LTBP2: variants seen among roughly 807,000 people sequenced by gnomAD.
LTBP2 encodes latent transforming growth factor beta binding protein 2, also known as latent-transforming growth factor beta-binding protein 2.
Under a neutral mutation model 210.6 loss-of-function variants are expected in LTBP2, and 103 were observed. The ratio of observed to expected loss-of-function variants is 0.49; its 90% CI spans 0.42 to 0.58. The LOEUF (loss-of-function observed/expected upper bound fraction) is 0.58. Ranked by LOEUF, LTBP2 falls within the 20% of genes least tolerant of loss-of-function variation. The pLI, the probability that LTBP2 is intolerant of heterozygous loss-of-function variation, is 0.00. For synonymous variants in LTBP2, 1,007 were observed against 1,015.0 expected, an observed-to-expected ratio of 0.99 and a Z score of 0.15; for missense variants, 2,313 against 2,494.5, an observed-to-expected ratio of 0.93 and a Z score of 1.55.
chr14:74,510,531 A>T (rs2087057172), intron 19 of LTBP2, among the ~76,000 whole-genome samples: 1 of 152,184 alleles, frequency 6.6e-6, no homozygotes, highest in Admixed American at 6.5e-5. Flanking sequence ...AAGACCCTTG[A>T]CTTCCCTCAT....
At position 74,589,727 on chromosome 14, in the gene LTBP2, C is replaced by T. The variant is rs576348010; in HGVS notation, c.566-3609G>A. 9.2e-5 allele frequency among the ~76,000 whole-genome samples: 14 copies of T among 152,350 alleles called. No individual in the cohort carries two copies. In the South Asian group the frequency reaches 1.4e-3, roughly 16 times the overall value. On this transcript the variant is annotated intron_variant, in intron 2 of 35. Transcript: ENST00000261978. The stretch of plus-strand genomic sequence containing the variant: ...TCAGCTGGGGCCAGCCCAGCAGCCA[C>T]GCCAGTGCTAGTGAACATGGAGGAA...
intron 2 of LTBP2, among the ~76,000 whole-genome samples, chr14:74,593,940 A>G (rs1008149532): frequency 1.4e-4 from 22 of 152,122 alleles, no homozygotes; most frequent in African/African-American, 5.1e-4. Context: ...GAACAATATG[A>G]AGCGCTTAGA....
At chr14:74,580,247 C>T (rs1040078923) in intron 3 of LTBP2, among the ~76,000 whole-genome samples, 1 of 151,988 alleles carries the variant, frequency 6.6e-6, no homozygotes, top group East Asian at 1.9e-4. Context: ...TGTTTTGATG[C>T]GGGTTGAATT....
At chr14:74,563,344 CA>C (rs1353918701) in intron 3 of LTBP2, among the ~76,000 whole-genome samples, 1 of 152,134 alleles carries the variant, frequency 6.6e-6, no homozygotes, top group Non-Finnish European at 1.5e-5. Flanking sequence ...GATACATGAA[CA>C]AGACTATTTA....
intron 20 of LTBP2, 73 bp from the exon 21 acceptor site, chr14:74,509,932 G>C: frequency 1.9e-6 from 3 of 1,612,214 alleles, no homozygotes; most frequent in Non-Finnish European, 2.5e-6. Context: ...GGTAGGCAGG[G>C]GTGGGGGAAG....
intron 1 of LTBP2, among the ~76,000 whole-genome samples, chr14:74,610,145 C>T (rs1173982521): frequency 1.3e-5 from 2 of 152,238 alleles, no homozygotes; most frequent in Non-Finnish European, 2.9e-5. Flanking sequence ...ACAACGAAGT[C>T]CCTGTTTGCA....
At chr14:74,527,741 C>T (rs911774342) in intron 12 of LTBP2, among the ~76,000 whole-genome samples, 23 of 152,216 alleles carry the variant, frequency 1.5e-4, no homozygotes, top group African/African-American at 4.6e-4. Flanking sequence ...CCATGCCTCC[C>T]AGCCAGGCTG....
intron 8 of LTBP2, among the ~76,000 whole-genome samples, chr14:74,549,045 C>T (rs971322204): frequency 1.3e-5 from 2 of 152,254 alleles, no homozygotes; most frequent in African/African-American, 4.8e-5. Flanking sequence ...TCTTTGGGCT[C>T]CTGTCCAGCC....
chr14:74,529,249 TG>T (rs1320209548), intron 10 of LTBP2, 127 bp from the exon 11 acceptor site: 2 of 1,139,776 alleles, frequency 1.8e-6, no homozygotes, highest in Non-Finnish European at 2.6e-6. Flanking sequence ...ATATCTCAGT[TG>T]GGAAGTTTGG....
chr14:74,549,736 G>A, intron 8 of LTBP2, 127 bp downstream of exon 8: 1 of 816,856 alleles, frequency 1.2e-6, no homozygotes, highest in Non-Finnish European at 2.2e-6. Context: ...GGTCTGGGAA[G>A]TCTGCAGTTT....
chr14:74,550,063 C>T, intron 7 of LTBP2, 98 bp from the exon 8 acceptor site: 1 of 802,410 alleles, frequency 1.2e-6, no homozygotes, highest in Non-Finnish European at 2.2e-6. Context: ...GAGCTCACTC[C>T]CCACATTCTG....
intron 18 of LTBP2, among the ~76,000 whole-genome samples, chr14:74,515,167 T>C (rs1435869405): frequency 1.3e-5 from 2 of 152,140 alleles, no homozygotes; most frequent in Non-Finnish European, 2.9e-5. Context: ...ACAGTTCAAT[T>C]TCCAGACATC....
rs1264832672 is a variant in LTBP2, at chr14:74,553,924, G to A, written c.1022-862C>T. Among the ~76,000 whole-genome samples the A allele has an allele frequency of 2.7e-3, 3 of 1,112 alleles. No homozygotes were observed. In the East Asian group the frequency reaches 0.039, roughly 15 times the overall value. 0.7% of individuals were successfully genotyped at this position (1,112 alleles called of 152,430 possible). A position where few individuals can be genotyped will look rare whatever the true frequency, so the allele number is the denominator to read the frequency against. Reference sequence around the variant, plus strand: ...GGAGATAGGAAGAAAGCGGAGAAACGTGTGTGTGTGTGTGTGTGTGTGTGT... The same window carrying A: ...GGAGATAGGAAGAAAGCGGAGAAACATGTGTGTGTGTGTGTGTGTGTGTGT... On this transcript the variant is annotated intron_variant, in intron 4 of 35. Coordinates refer to ENST00000261978, the MANE Select transcript of LTBP2 (RefSeq NM_000428.3).
intron 17 of LTBP2, 42 bp from the exon 18 acceptor site, chr14:74,516,983 G>A: frequency 1.9e-6 from 3 of 1,546,856 alleles, no homozygotes; most frequent in Non-Finnish European, 1.7e-6. Context: ...GCCAGCCCTG[G>A]AGGATGGTGG....
rs758334385 is a variant in LTBP2 at position 74,611,540 on chromosome 14, C to G, written c.405G>C (p.Arg135=). 5 of 1,565,004 alleles carry G rather than the reference C, an allele frequency of 3.2e-6. No homozygotes were observed. Among genetic ancestry groups the G allele is most frequent in the Non-Finnish European group, 4.3e-6 (5 of 1,163,284 alleles). The change falls in exon 1 of 36, where the codon CGG becomes CGC. Residue 135 remains arginine (R), a synonymous_variant. Coordinates refer to ENST00000261978, the MANE Select transcript of LTBP2 (RefSeq NM_000428.3). Reference sequence around the variant, plus strand: ...GTGGGAGAGCCGGCGCGGCCCGGGTCCGGGGTGCTGGTTGCTGCTGGCCCA... The same window carrying G: ...GTGGGAGAGCCGGCGCGGCCCGGGTGCGGGGTGCTGGTTGCTGCTGGCCCA... ...TPLGQQQPAP[R]TRAAPALPRL...
At chr14:74,510,064 A>G (rs753040599) in intron 20 of LTBP2, 27 bp downstream of exon 20, 1 of 1,613,786 alleles carries the variant, frequency 6.2e-7, no homozygotes, top group Non-Finnish European at 8.5e-7. Context: ...CGGCCTGCGG[A>G]GAAGGGGCGC....
At chr14:74,598,812 A>G (rs965569880) in intron 2 of LTBP2, among the ~76,000 whole-genome samples, 1 of 152,114 alleles carries the variant, frequency 6.6e-6, no homozygotes, top group African/African-American at 2.4e-5. Flanking sequence ...TTAAAATACC[A>G]GCTAAACTTA....
Position 74,500,991 on chromosome 14 carries a change from G to A in LTBP2, c.5359C>T (p.Leu1787Phe), listed in dbSNP as rs2086902546. The change falls in exon 36 of 36, where the codon CTC becomes TTC. Residue 1787 changes from leucine (L) to phenylalanine (F), a missense_variant. Leu to Phe is a conservative substitution (Grantham distance 22, BLOSUM62 0). This residue lies in a region of LTBP2 where 443 missense variants were observed against 501.4 expected (regional missense o/e 0.88). Transcript: ENST00000261978. ...ECDDLNGPAVLCVHGYCENTE... is the reference protein window; with the variant it reads ...ECDDLNGPAVFCVHGYCENTE... ...TTCTCGCAGTAACCATGGACACAGAGCACAGCAGGCCCGTTCAAGTCATCA... is the reference window on the plus strand; with the variant it reads ...TTCTCGCAGTAACCATGGACACAGAACACAGCAGGCCCGTTCAAGTCATCA... 1 of 1,614,006 alleles carries A rather than the reference G, an allele frequency of 6.2e-7. No individual in the cohort carries two copies. Among genetic ancestry groups the A allele is most frequent in the Non-Finnish European group, 8.5e-7 (1 of 1,179,988 alleles).
At chr14:74,566,070 G>GTTT (rs74822677) in intron 3 of LTBP2, among the ~76,000 whole-genome samples, 1 of 148,086 alleles carries the variant, frequency 6.8e-6, no homozygotes, top group African/African-American at 2.5e-5. Context: ...CTATAGCTGG[G>GTTT]TTTTTTTTTT....
Sources: gnomAD v4.1 joint callset for allele counts (sites outside exome capture counted in the v4.1 genomes callset) on GRCh38, gnomAD v4.1.1 for gene constraint, gnomAD v4.1.1 regional missense constraint, MANE v1.5 for transcripts, NCBI Gene and HGNC (gene_info 2026-07-23, HGNC 2026-07-21) for gene names.